CD8B: variants seen among roughly 807,000 people sequenced by gnomAD.
CD8B encodes T-cell surface glycoprotein CD8 beta chain.
CD8B carries 6 observed loss-of-function variants against 24.2 expected under a neutral mutation model. That is an observed-to-expected ratio of 0.25 (90% CI 0.14 to 0.49). CD8B has a LOEUF of 0.49. CD8B is among the 20% of genes least tolerant of loss of function. The pLI is 0.98. For missense variants in CD8B, 196 were observed against 271.3 expected (o/e 0.72, Z 1.95); for synonymous variants, 84 against 108.3 (o/e 0.78, Z 1.39).
intron 5 of CD8B, among the ~76,000 whole-genome samples, chr2:86,828,698 G>A (rs1406847106): frequency 6.6e-6 from 1 of 152,052 alleles, no homozygotes; most frequent in Non-Finnish European, 1.5e-5. Context: ...GCCTTTTTAA[G>A]GAAAAATCTA....
At chr2:86,848,328 T>G (rs1379164180) in intron 3 of CD8B, among the ~76,000 whole-genome samples, 1 of 152,244 alleles carries the variant, frequency 6.6e-6, no homozygotes, top group Non-Finnish European at 1.5e-5. Flanking sequence ...TCACTTAAAT[T>G]CCCTAATTTC....
intron 5 of CD8B, among the ~76,000 whole-genome samples, chr2:86,826,036 C>T (rs1674674520): frequency 6.6e-6 from 1 of 152,106 alleles, no homozygotes; most frequent in South Asian, 2.1e-4. Flanking sequence ...CATTTGCAGA[C>T]CAAGCAGGCT....
chr2:86,834,489 A>ACACACACACACACACACACAC (rs1325050004), downstream of CD8B, among the ~76,000 whole-genome samples: 2 of 94,176 alleles, frequency 2.1e-5, no homozygotes, highest in Non-Finnish European at 5.2e-5. Context: ...CACACACACA[A>ACACACACACACACACACACAC]AAGTCTTAAC....
At chr2:86,815,390 A>G, downstream of CD8B, 1 of 510,046 alleles carries the variant, frequency 2.0e-6, no homozygotes, top group Non-Finnish European at 3.5e-6. Flanking sequence ...GGGCAAATTT[A>G]TTCAAGATGG....
intron 2 of CD8B, among the ~76,000 whole-genome samples, chr2:86,855,882 G>T (rs144879570): frequency 0.16 from 24,490 of 152,236 alleles, 2,136 homozygotes; most frequent in Admixed American, 0.21. Flanking sequence ...TCAGGTTGGG[G>T]GACTGTTCTG....
chr2:86,849,949 C>G (rs969214888), intron 3 of CD8B, among the ~76,000 whole-genome samples: 4 of 152,110 alleles, frequency 2.6e-5, no homozygotes, highest in African/African-American at 9.7e-5. Flanking sequence ...GGTTATCCAC[C>G]AGCTTTGGCC....
At chr2:86,824,211 A>G (rs577669912) in intron 5 of CD8B, among the ~76,000 whole-genome samples, 2 of 152,190 alleles carry the variant, frequency 1.3e-5, no homozygotes, top group South Asian at 4.1e-4. Flanking sequence ...AACCTCTGCC[A>G]CACTTTTACC....
intron 1 of CD8B, among the ~76,000 whole-genome samples, chr2:86,859,482 C>A (rs1420958424): frequency 1.3e-5 from 2 of 152,100 alleles, no homozygotes; most frequent in East Asian, 3.9e-4. Context: ...GTCCTGCCTG[C>A]CTCTGAGGGT....
intron 1 of CD8B, among the ~76,000 whole-genome samples, chr2:86,859,613 AAGG>A (rs1336633240): frequency 1.3e-5 from 2 of 152,112 alleles, no homozygotes; most frequent in Admixed American, 6.5e-5. Flanking sequence ...ATTAAATCTC[AAGG>A]AGAAGGATCA....
intron 3 of CD8B, among the ~76,000 whole-genome samples, chr2:86,851,363 C>T (rs1045357911): frequency 2.6e-5 from 4 of 152,138 alleles, no homozygotes; most frequent in Admixed American, 6.5e-5. Context: ...TCTCCACAGC[C>T]GTAGCACACA....
At chr2:86,861,545 G>T (rs578019618) in intron 1 of CD8B, among the ~76,000 whole-genome samples, 1 of 152,082 alleles carries the variant, frequency 6.6e-6, no homozygotes, top group Admixed American at 6.5e-5. Flanking sequence ...TCCCTCACTC[G>T]CTCCCCTTTT....
chr2:86,850,431 C>A (rs530784638), intron 3 of CD8B, among the ~76,000 whole-genome samples: 1 of 152,274 alleles, frequency 6.6e-6, no homozygotes, highest in East Asian at 1.9e-4. Context: ...TGATAACAGG[C>A]TTTGAGGTCT....
chr2:86,831,342 C>T (rs1371576235), intron 5 of CD8B, among the ~76,000 whole-genome samples: 1 of 152,224 alleles, frequency 6.6e-6, no homozygotes, highest in Non-Finnish European at 1.5e-5. Context: ...GCTAGGATTA[C>T]AGGCATGAGC....
At chr2:86,832,683 T>C (rs1290881927) in intron 5 of CD8B, among the ~76,000 whole-genome samples, 2 of 151,974 alleles carry the variant, frequency 1.3e-5, no homozygotes, top group African/African-American at 4.8e-5. Flanking sequence ...GCTCCCTGTG[T>C]GGGTTGAGCT....
intron 5 of CD8B, among the ~76,000 whole-genome samples, chr2:86,822,009 G>A (rs144940065): frequency 6.6e-6 from 1 of 152,068 alleles, no homozygotes; most frequent in Admixed American, 6.5e-5. Context: ...TTGCAACTCC[G>A]AGCAACTCTG....
At chr2:86,846,090 C>T (rs550115017) in intron 4 of CD8B, among the ~76,000 whole-genome samples, 2 of 152,302 alleles carry the variant, frequency 1.3e-5, no homozygotes, top group Non-Finnish European at 2.9e-5. Context: ...TCCCCTCTGG[C>T]TCCCCGTCTT....
At chr2:86,826,686 T>C (rs1340757588) in intron 5 of CD8B, among the ~76,000 whole-genome samples, 1 of 152,214 alleles carries the variant, frequency 6.6e-6, no homozygotes, top group African/African-American at 2.4e-5. Context: ...GGTTCAAGGT[T>C]ATTCCTGTAG....
intron 1 of CD8B, among the ~76,000 whole-genome samples, chr2:86,859,678 G>T (rs1456014607): frequency 6.6e-6 from 1 of 151,318 alleles, no homozygotes; most frequent in East Asian, 1.9e-4. Flanking sequence ...AACACAATCT[G>T]ACCTGGTGAG....
downstream of CD8B, among the ~76,000 whole-genome samples, chr2:86,834,136 G>A (rs1418409137): frequency 6.6e-6 from 1 of 151,844 alleles, no homozygotes; most frequent in Non-Finnish European, 1.5e-5. Flanking sequence ...CTACTTTCCC[G>A]GGGACCCATT....
Sources: gnomAD v4.1 joint callset for allele counts (sites outside exome capture counted in the v4.1 genomes callset) on GRCh38, gnomAD v4.1.1 for gene constraint, MANE v1.5 for transcripts, NCBI Gene and HGNC (gene_info 2026-07-23, HGNC 2026-07-21) for gene names.